LYPD6B: variants seen among roughly 807,000 people sequenced by gnomAD.
LYPD6B encodes the protein ly6/PLAUR domain-containing protein 6B.
LYPD6B carries 17 observed loss-of-function variants against 22.8 expected under a neutral mutation model. The ratio of observed to expected loss-of-function variants is 0.75; its 90% CI spans 0.51 to 1.12. The LOEUF is 1.12. Among genes scored for constraint, LYPD6B ranks in the 50% most tolerant of loss-of-function variants. The pLI is 0.00. For synonymous variants in LYPD6B, 106 were observed against 91.6 expected (o/e 1.16, Z -0.90); for missense variants, 221 against 258.3 (o/e 0.86, Z 0.99).
At chr2:149,095,670 T>C (rs897181411) in intron 1 of LYPD6B, among the ~76,000 whole-genome samples, 1 of 151,908 alleles carries the variant, frequency 6.6e-6, no homozygotes, top group Non-Finnish European at 1.5e-5. Flanking sequence ...GCAAGAGATC[T>C]CAAGTAAGTG....
intron 1 of LYPD6B, among the ~76,000 whole-genome samples, chr2:149,094,040 A>T (rs1359507951): frequency 2.6e-5 from 4 of 152,212 alleles, no homozygotes; most frequent in Non-Finnish European, 4.4e-5. Context: ...AATGGATAGA[A>T]AGTGGTGGAA....
intron 5 of LYPD6B, among the ~76,000 whole-genome samples, chr2:149,211,956 A>AG (rs1394148037): frequency 6.6e-6 from 1 of 152,158 alleles, no homozygotes; most frequent in African/African-American, 2.4e-5. Flanking sequence ...GGTAGAAATG[A>AG]GGTACTGTAG....
chr2:149,112,980 T>C (rs920322313), intron 1 of LYPD6B, among the ~76,000 whole-genome samples: 4 of 152,274 alleles, frequency 2.6e-5, no homozygotes, highest in African/African-American at 9.6e-5. Context: ...TTTACTGACT[T>C]GTTGAACAGG....
At chr2:149,178,096 T>G (rs1197430258) in intron 3 of LYPD6B, among the ~76,000 whole-genome samples, 2 of 152,132 alleles carry the variant, frequency 1.3e-5, no homozygotes, top group Non-Finnish European at 2.9e-5. Flanking sequence ...GTTCTTAAGT[T>G]GAGGATCTCA....
rs531356629 is a variant in LYPD6B, at chr2:149,108,028, A to G, written c.-66-22855A>G. Among the ~76,000 whole-genome samples, 8 of 152,226 alleles carry G rather than the reference A, an allele frequency of 5.3e-5. No individual in the cohort carries two copies. In the South Asian group the frequency reaches 1.7e-3, roughly 32 times the overall value. On this transcript the variant is annotated intron_variant, in intron 1 of 6. Coordinates refer to ENST00000409642, the MANE Select transcript of LYPD6B (RefSeq NM_177964.5). The stretch of plus-strand genomic sequence containing the variant: ...TTGGCTGTGTCCCCACCCACATCTC[A>G]CCTTGAATTCCCATGTGTTGTGAGA...
At chr2:149,145,873 TC>T (rs1688988532) in intron 2 of LYPD6B, among the ~76,000 whole-genome samples, 1 of 152,088 alleles carries the variant, frequency 6.6e-6, no homozygotes, top group East Asian at 1.9e-4. Flanking sequence ...CAAGGTTTGT[TC>T]CTCCTAGTAG....
At chr2:149,158,840 T>C (rs980495721) in intron 2 of LYPD6B, among the ~76,000 whole-genome samples, 3 of 152,234 alleles carry the variant, frequency 2.0e-5, no homozygotes, top group Non-Finnish European at 4.4e-5. Context: ...GCAGTTTTTC[T>C]ATGGATTTCC....
intron 5 of LYPD6B, among the ~76,000 whole-genome samples, chr2:149,212,503 C>T (rs1693937130): frequency 6.6e-6 from 1 of 150,660 alleles, no homozygotes; most frequent in African/African-American, 2.4e-5. Flanking sequence ...ACCTGCTTTT[C>T]ACCCCAGCTC....
intron 1 of LYPD6B, among the ~76,000 whole-genome samples, chr2:149,081,008 G>A (rs1193520254): frequency 2.6e-5 from 4 of 152,122 alleles, no homozygotes; most frequent in African/African-American, 4.8e-5. Flanking sequence ...TGCATAGGAC[G>A]TTTGTAACCT....
chr2:149,137,979 TTATA>T (rs1688468857), intron 2 of LYPD6B, among the ~76,000 whole-genome samples: 1 of 152,226 alleles, frequency 6.6e-6, no homozygotes, highest in Non-Finnish European at 1.5e-5. Flanking sequence ...TTTTCACTCT[TTATA>T]AAGTATCATT....
intron 3 of LYPD6B, chr2:149,187,540 C>A: frequency 6.9e-7 from 1 of 1,459,440 alleles, no homozygotes; most frequent in Non-Finnish European, 9.0e-7. Flanking sequence ...CGAGCAGGAT[C>A]TCAGGCAACG....
intron 3 of LYPD6B, chr2:149,200,540 C>G (rs779585844): frequency 1.3e-5 from 2 of 152,024 alleles, no homozygotes; most frequent in Non-Finnish European, 2.9e-5. Context: ...AAATGTGGGT[C>G]ATTTTCCTAC....
In LYPD6B at chr2:149,130,946, T is replaced by C; in HGVS notation, c.-3T>C. ...GACTAGGCTGCTCTTGTTAATCACA[T>C]GGATGTTGTGAGTATTATATTCACA... On this transcript the variant is annotated 5_prime_UTR_variant, in exon 2 of 7. An upstream start codon of the reference 5' UTR is lost. Coordinates refer to ENST00000409642, the MANE Select transcript of LYPD6B (RefSeq NM_177964.5). 6.2e-7 allele frequency: 1 copy of C among 1,601,800 alleles called. No individual in the cohort carries two copies. Among genetic ancestry groups the C allele is most frequent in the South Asian group, 1.1e-5 (1 of 90,794 alleles).
chr2:149,203,601 A>C (rs927576644), intron 3 of LYPD6B, among the ~76,000 whole-genome samples: 4 of 152,240 alleles, frequency 2.6e-5, no homozygotes, highest in Non-Finnish European at 5.9e-5. Context: ...TCTAAAATGA[A>C]CCAGGAAAGA....
intron 1 of LYPD6B, among the ~76,000 whole-genome samples, chr2:149,045,649 C>A (rs989234796): frequency 6.6e-6 from 1 of 151,874 alleles, no homozygotes; most frequent in Non-Finnish European, 1.5e-5. Flanking sequence ...CTTATTGACC[C>A]GTATGTTATT....
intron 1 of LYPD6B, among the ~76,000 whole-genome samples, chr2:149,056,204 T>A (rs569282177): frequency 6.6e-6 from 1 of 152,336 alleles, no homozygotes; most frequent in East Asian, 1.9e-4. Context: ...ATATTTTGAA[T>A]AAAATTTAAG....
intron 1 of LYPD6B, among the ~76,000 whole-genome samples, chr2:149,102,135 T>C (rs1686242528): frequency 6.6e-6 from 1 of 152,216 alleles, no homozygotes; most frequent in South Asian, 2.1e-4. Context: ...TACCAAGGGC[T>C]ACTGGCTTCC....
chr2:149,160,968 C>T, intron 3 of LYPD6B, 133 bp downstream of exon 3: 2 of 692,120 alleles, frequency 2.9e-6, no homozygotes, highest in Non-Finnish European at 2.5e-6. Flanking sequence ...CCAGGTTTCC[C>T]ATCCTAAGCC....
At position 149,205,338 on chromosome 2, in the gene LYPD6B, A is replaced by T. The variant is rs770348774; in HGVS notation, c.163A>T (p.Ile55Phe). The T allele has an allele frequency of 6.2e-7, 1 of 1,614,000 alleles. No individual in the cohort carries two copies. The highest frequency in any genetic ancestry group is 1.1e-5 in the South Asian group (1 of 91,082). Residue 55 changes from isoleucine (I) to phenylalanine (F), a missense_variant, in exon 4 of 7, where the codon ATC becomes TTC. Transcript: ENST00000409642. The stretch of plus-strand genomic sequence containing the variant: ...CGCTATAGCTGTTGTCCAGATCGTT[A>T]TCTTCTCAGAAAGCTGGGCATTTGC... The part of the protein sequence containing the change: ...ALAIAVVQIV[I>F]FSESWAFAKN...
Sources: allele counts gnomAD v4.1 joint callset (sites outside exome capture counted in the v4.1 genomes callset), GRCh38; gene constraint gnomAD v4.1.1; transcripts MANE v1.5; gene names NCBI Gene and HGNC (gene_info 2026-07-23, HGNC 2026-07-21).